The following DCC variants were observed in gnomAD, a reference collection of about 807,000 sequenced individuals.
The protein encoded by DCC is DCC netrin 1 receptor.
In DCC, 58 loss-of-function variants were observed where a neutral mutation model predicts 172.5. The observed-to-expected ratio is 0.34, with a 90% CI of 0.27 to 0.42. DCC has a LOEUF of 0.42. DCC is among the 10% of genes least tolerant of loss of function. The probability of loss-of-function intolerance (pLI) is 1.00; values close to 1 mark genes in which losing one functional copy is unlikely to be tolerated. For missense variants in DCC, 1,740 were observed against 1,791.0 expected, an observed-to-expected ratio of 0.97 and a Z score of 0.51; for synonymous variants, 709 against 644.5, an observed-to-expected ratio of 1.10 and a Z score of -1.52.
intron 1 of DCC, among the ~76,000 whole-genome samples, chr18:52,358,055 G>A (rs997543686): frequency 1.3e-5 from 2 of 152,050 alleles, no homozygotes; most frequent in Non-Finnish European, 2.9e-5. Context: ...GATAAGGATG[G>A]CATTTCACCT....
intron 1 of DCC, among the ~76,000 whole-genome samples, chr18:52,504,305 G>T (rs570817279): frequency 1.3e-5 from 2 of 152,268 alleles, no homozygotes; most frequent in African/African-American, 4.8e-5. Flanking sequence ...CTTGAGTCTG[G>T]CAGTGTCAAT....
intron 28 of DCC, among the ~76,000 whole-genome samples, chr18:53,528,826 A>AT (rs1339968690): frequency 6.6e-6 from 1 of 152,010 alleles, no homozygotes; most frequent in Non-Finnish European, 1.5e-5. Context: ...ACTGGTACGT[A>AT]TTTTTTCATG....
At chr18:53,174,152 C>T (rs1175822406) in intron 8 of DCC, among the ~76,000 whole-genome samples, 1 of 144,466 alleles carries the variant, frequency 6.9e-6, no homozygotes, top group Admixed American at 7.1e-5. Context: ...ACACAACATA[C>T]CAGAATCTCT....
intron 2 of DCC, among the ~76,000 whole-genome samples, chr18:52,804,500 AAAGAT>A (rs1168150055): frequency 2.0e-5 from 3 of 152,196 alleles, no homozygotes; most frequent in Admixed American, 6.5e-5. Context: ...ATAGACAAAA[AAAGAT>A]AAGAATCAAA....
chr18:52,532,125 A>C (rs1215338707), intron 1 of DCC, among the ~76,000 whole-genome samples: 1 of 152,156 alleles, frequency 6.6e-6, no homozygotes, highest in Non-Finnish European at 1.5e-5. Context: ...TTTTGCATGC[A>C]TATTAAGGAC....
In DCC at chr18:53,083,974, G is replaced by C. The variant is rs117577553; in HGVS notation, c.1261+17808G>C. ...TCCCTCTCTTTGTGGTTCTGAGTTAGTGTGGGCCAGAAAAGGCAAATAGAT... is the reference window on the plus strand; with the variant it reads ...TCCCTCTCTTTGTGGTTCTGAGTTACTGTGGGCCAGAAAAGGCAAATAGAT... On this transcript the variant is annotated intron_variant, in intron 7 of 28. Coordinates refer to ENST00000442544, the MANE Select transcript of DCC (RefSeq NM_005215.4). Among the ~76,000 whole-genome samples the C allele has an allele frequency of 5.5e-3, 845 of 152,302 alleles. 6 individuals are homozygous for C. Among genetic ancestry groups the C allele is most frequent in the Admixed American group, 0.022 (343 of 15,292 alleles).
intron 12 of DCC, among the ~76,000 whole-genome samples, chr18:53,282,672 C>T (rs966268670): frequency 2.0e-5 from 3 of 152,088 alleles, no homozygotes; most frequent in African/African-American, 7.2e-5. Context: ...TATTATCTCT[C>T]ACTTTTAAGG....
At chr18:52,649,212 A>T (rs112596036) in intron 1 of DCC, among the ~76,000 whole-genome samples, 17,908 of 152,042 alleles carry the variant, frequency 0.12, 1,133 homozygotes, top group Middle Eastern at 0.23. Context: ...TCTCTACTAA[A>T]AATACAAAAA....
chr18:53,029,543 T>A (rs925956075), intron 5 of DCC, among the ~76,000 whole-genome samples: 10 of 152,188 alleles, frequency 6.6e-5, no homozygotes, highest in Admixed American at 6.6e-4. Context: ...CCATACTTCA[T>A]GGAAATTATC....
At chr18:53,093,099 TG>T (rs1471130300) in intron 7 of DCC, among the ~76,000 whole-genome samples, 1 of 152,054 alleles carries the variant, frequency 6.6e-6, no homozygotes, top group Non-Finnish European at 1.5e-5. Flanking sequence ...CTGGCCAACA[TG>T]GTGAAACCCC....
chr18:53,394,083 C>T (rs17505685), intron 17 of DCC, among the ~76,000 whole-genome samples: 64,640 of 152,040 alleles, frequency 0.43, 15,507 homozygotes, highest in Non-Finnish European at 0.55. Flanking sequence ...CTTCATCTCA[C>T]TTCCACTACA....
At chr18:52,786,425 G>A (rs1331405567) in intron 2 of DCC, among the ~76,000 whole-genome samples, 1 of 151,920 alleles carries the variant, frequency 6.6e-6, no homozygotes, top group Non-Finnish European at 1.5e-5. Flanking sequence ...GATATGCTTT[G>A]GAGCATAACT....
chr18:53,499,323 ACAACCACCTATGCTG>A lies in DCC; in HGVS notation c.3926_3940del (p.Gln1309_Leu1313del). ...CAGTGAGTGAAGGACCAACTACCCA[ACAACCACCTATGCTG>A]CCCCCATCTCAGCCTGAGCATTCTA... is the stretch of plus-strand genomic sequence containing the variant. On this transcript the variant is annotated inframe_deletion, in exon 27 of 29. Transcript: ENST00000442544. 6.2e-7 allele frequency: 1 copy of A among 1,614,006 alleles called. No individual in the cohort carries two copies. Among genetic ancestry groups the A allele is most frequent in the South Asian group, 1.1e-5 (1 of 91,086 alleles).
At chr18:53,402,445 T>A (rs959500256) in intron 18 of DCC, among the ~76,000 whole-genome samples, 6 of 151,896 alleles carry the variant, frequency 4.0e-5, no homozygotes, top group Admixed American at 2.6e-4. Context: ...TATGTAATCA[T>A]CAATCTCACT....
chr18:53,416,055 G>A, intron 20 of DCC, 69 bp from the exon 21 acceptor site: 1 of 1,169,252 alleles, frequency 8.6e-7, no homozygotes, highest in African/African-American at 1.5e-5. Context: ...AGAACTGTTG[G>A]TTTGATATGT....
chr18:52,848,417 TC>T (rs1460042290), intron 2 of DCC, among the ~76,000 whole-genome samples: 1 of 152,168 alleles, frequency 6.6e-6, no homozygotes, highest in African/African-American at 2.4e-5. Flanking sequence ...TTTTTACTTC[TC>T]ATCACCAAAT....
intron 9 of DCC, among the ~76,000 whole-genome samples, chr18:53,203,546 G>C (rs1381950974): frequency 1.3e-5 from 2 of 152,138 alleles, no homozygotes; most frequent in Non-Finnish European, 2.9e-5. Context: ...TTTTCCAAAT[G>C]AATGTATGAG....
In DCC at chr18:53,435,128, C is replaced by T. The variant is rs1187005318; in HGVS notation, c.3164-16C>T. ...TCATTTGTACTGACATTGTGACATG[C>T]TCTCCCAATGAACAGGTCGTCATGG... On this transcript the variant is annotated splice_polypyrimidine_tract_variant and intron_variant, in intron 21 of 28. Coordinates refer to ENST00000442544, the MANE Select transcript of DCC (RefSeq NM_005215.4). 5.7e-6 allele frequency: 9 copies of T among 1,587,806 alleles called. No individual in the cohort carries two copies. The highest frequency in any genetic ancestry group is 7.8e-6 in the Non-Finnish European group (9 of 1,156,132).
chr18:52,418,359 TGGCCTCTGTA>T (rs1301381762), intron 1 of DCC, among the ~76,000 whole-genome samples: 5 of 152,116 alleles, frequency 3.3e-5, no homozygotes, highest in Non-Finnish European at 5.9e-5. Flanking sequence ...AACATGAAAA[TGGCCTCTGTA>T]GGCAGACAAG....
Sources: allele counts gnomAD v4.1 joint callset (sites outside exome capture counted in the v4.1 genomes callset), GRCh38; gene constraint gnomAD v4.1.1; transcripts MANE v1.5; gene names NCBI Gene and HGNC (gene_info 2026-07-23, HGNC 2026-07-21).